Variants in LDLRAD4 observed in about 807,000 individuals in gnomAD.
LDLRAD4 encodes the protein low density lipoprotein receptor class A domain containing 4.
In LDLRAD4, 5 loss-of-function variants were observed where a neutral mutation model predicts 17.0. The observed-to-expected ratio is 0.29, with a 90% CI of 0.15 to 0.62. The LOEUF is 0.62. Among genes scored for constraint, LDLRAD4 ranks in the 20% least tolerant of loss-of-function variants. LDLRAD4 has a pLI of 0.84. For synonymous variants in LDLRAD4, 168 were observed against 171.8 expected (o/e 0.98, Z 0.17); for missense variants, 340 against 424.7 (o/e 0.80, Z 1.75).
chr18:13,384,002 C>T (rs759550251), intron 1 of LDLRAD4, among the ~76,000 whole-genome samples: 9 of 152,166 alleles, frequency 5.9e-5, no homozygotes, highest in South Asian at 4.1e-4. Context: ...TCCATTGATG[C>T]GGTAACACAG....
intron 3 of LDLRAD4, among the ~76,000 whole-genome samples, chr18:13,602,937 G>A (rs943284054): frequency 1.6e-4 from 25 of 152,230 alleles, no homozygotes; most frequent in Middle Eastern, 3.4e-3. Flanking sequence ...CATTTAATGG[G>A]AGGACATCGC....
chr18:13,534,908 AG>A (rs1222813989), intron 3 of LDLRAD4, among the ~76,000 whole-genome samples: 1 of 152,200 alleles, frequency 6.6e-6, no homozygotes, highest in Non-Finnish European at 1.5e-5. Flanking sequence ...TCTGGAATAT[AG>A]TACAGTAGAA....
chr18:13,519,882 A>C (rs1415224308), intron 3 of LDLRAD4: 1 of 152,212 alleles, frequency 6.6e-6, no homozygotes, highest in African/African-American at 2.4e-5. Context: ...ATGAGCTTCA[A>C]ATTTTCTGAG....
chr18:13,295,741 C>T (rs1159925443), intron 1 of LDLRAD4, among the ~76,000 whole-genome samples: 1 of 152,232 alleles, frequency 6.6e-6, no homozygotes, highest in African/African-American at 2.4e-5. Context: ...GCTGCTGTGG[C>T]TTAAATATAC....
At chr18:13,524,577 G>A (rs1042797775) in intron 3 of LDLRAD4, among the ~76,000 whole-genome samples, 20 of 152,168 alleles carry the variant, frequency 1.3e-4, no homozygotes, top group African/African-American at 1.4e-4. Flanking sequence ...CAGTAACGCC[G>A]TGTAACAAAC....
intron 1 of LDLRAD4, among the ~76,000 whole-genome samples, chr18:13,229,494 C>T (rs546507967): frequency 6.6e-6 from 1 of 152,324 alleles, no homozygotes; most frequent in South Asian, 2.1e-4. Flanking sequence ...GACATCTGCC[C>T]TGCACTGGCA....
intron 3 of LDLRAD4, among the ~76,000 whole-genome samples, chr18:13,524,730 A>G (rs1257991298): frequency 6.6e-6 from 1 of 152,208 alleles, no homozygotes; most frequent in African/African-American, 2.4e-5. Flanking sequence ...AACTGTGCGT[A>G]TTTCAGCTCC....
chr18:13,580,755 G>A (rs1450734591), intron 3 of LDLRAD4, among the ~76,000 whole-genome samples: 1 of 152,240 alleles, frequency 6.6e-6, no homozygotes, highest in Non-Finnish European at 1.5e-5. Flanking sequence ...CACAGGTCTA[G>A]GAATCTGCAT....
chr18:13,231,139 C>T (rs982779389), intron 1 of LDLRAD4, among the ~76,000 whole-genome samples: 1 of 152,082 alleles, frequency 6.6e-6, no homozygotes, highest in Non-Finnish European at 1.5e-5. Context: ...ATGCGCGCCA[C>T]GGGCAGCATC....
chr18:13,549,781 C>T, intron 3 of LDLRAD4, among the ~76,000 whole-genome samples: 1 of 152,138 alleles, frequency 6.6e-6, no homozygotes, highest in African/African-American at 2.4e-5. Context: ...TTTAAAGCTT[C>T]TGGCATTTGG....
chr18:13,561,943 CAGTACAAAAGAAAA>C (rs1170645480), intron 3 of LDLRAD4: 1 of 152,148 alleles, frequency 6.6e-6, no homozygotes, highest in Non-Finnish European at 1.5e-5. Context: ...CAATGAGCAA[CAGTACAAAAGAAAA>C]AGTACAAAGT....
In LDLRAD4 at chr18:13,367,113, G is replaced by C. The variant is rs1347265886; in HGVS notation, c.-382-20228G>C. On this transcript the variant is annotated intron_variant, in intron 1 of 5. Transcript: ENST00000359446. The surrounding 1 kb of genome is among the most constrained non-coding windows in gnomAD (Gnocchi z 4.1). Reference sequence around the variant, plus strand: ...TTGCCCACAGCGAGATGCAAACTGGGTGTCACACAGAACAGTCCTGTTGCT... The same window carrying C: ...TTGCCCACAGCGAGATGCAAACTGGCTGTCACACAGAACAGTCCTGTTGCT... 2.6e-5 allele frequency among the ~76,000 whole-genome samples: 4 copies of C among 152,228 alleles called. No individual in the cohort carries two copies. The highest frequency in any genetic ancestry group is 5.9e-5 in the Non-Finnish European group (4 of 68,046).
rs951707285 is a variant in LDLRAD4, at chr18:13,645,188, G to A, written c.452G>A (p.Arg151His). The A allele has an allele frequency of 2.5e-6, 4 of 1,613,844 alleles. No homozygotes were observed. The highest frequency in any genetic ancestry group is 2.2e-5 in the East Asian group (1 of 44,892). Reference sequence around the variant, plus strand: ...GCGCCGTCCTTCATCCAGAGGGATCGCTTCAGCCGCTTCCAGCCCACCTAC... The same window carrying A: ...GCGCCGTCCTTCATCCAGAGGGATCACTTCAGCCGCTTCCAGCCCACCTAC... The change falls in exon 6 of 6, where the codon CGC becomes CAC. Residue 151 changes from arginine (R) to histidine (H), a missense_variant. Arg to His is a conservative substitution (Grantham distance 29). Transcript: ENST00000359446. The surrounding 1 kb of genome is among the most constrained non-coding windows in gnomAD (Gnocchi z 5.7).
intron 3 of LDLRAD4, among the ~76,000 whole-genome samples, chr18:13,597,522 C>CTCTA (rs2095110053): frequency 6.6e-6 from 1 of 151,668 alleles, no homozygotes; most frequent in Admixed American, 6.6e-5. Context: ...CTCTCTCTCT[C>CTCTA]TCTCTCTCCT....
chr18:13,480,674 G>A (rs768524986), intron 3 of LDLRAD4, among the ~76,000 whole-genome samples: 1 of 152,194 alleles, frequency 6.6e-6, no homozygotes, highest in Non-Finnish European at 1.5e-5. Flanking sequence ...CAGAGAGCAC[G>A]TGAGAAATCT....
chr18:13,408,455 CT>C (rs972927976), intron 2 of LDLRAD4, among the ~76,000 whole-genome samples: 2 of 149,982 alleles, frequency 1.3e-5, no homozygotes, highest in African/African-American at 4.9e-5. Flanking sequence ...AGGCACACAG[CT>C]TTTTTTTTAA....
chr18:13,596,583 T>A (rs1388331055), intron 3 of LDLRAD4, among the ~76,000 whole-genome samples: 1 of 152,234 alleles, frequency 6.6e-6, no homozygotes, highest in Non-Finnish European at 1.5e-5. Context: ...TTTCTCTTTT[T>A]TTATGCTCTC....
At chr18:13,512,294 G>C (rs918321850) in intron 3 of LDLRAD4, among the ~76,000 whole-genome samples, 1 of 152,180 alleles carries the variant, frequency 6.6e-6, no homozygotes, top group Non-Finnish European at 1.5e-5. Context: ...ATACAGGAAT[G>C]ATCTTCCTAA....
chr18:13,313,501 T>C (rs1452902364), intron 1 of LDLRAD4, among the ~76,000 whole-genome samples: 1 of 152,118 alleles, frequency 6.6e-6, no homozygotes, highest in African/African-American at 2.4e-5. Flanking sequence ...TTTTTATCTC[T>C]GGTGAACCCG....
Sources: gnomAD v4.1 joint callset for allele counts (sites outside exome capture counted in the v4.1 genomes callset) on GRCh38, gnomAD v4.1.1 for gene constraint, Gnocchi (gnomAD v3.1) non-coding constraint, MANE v1.5 for transcripts, NCBI Gene and HGNC (gene_info 2026-07-23, HGNC 2026-07-21) for gene names.